The following SLC16A9 variants were observed in gnomAD, a reference collection of about 807,000 sequenced individuals.
The protein encoded by SLC16A9 is monocarboxylate transporter 9.
Under a neutral mutation model 44.3 loss-of-function variants are expected in SLC16A9, and 26 were observed. The ratio of observed to expected loss-of-function variants is 0.59; its 90% CI spans 0.43 to 0.81. The LOEUF is 0.81. Among genes scored for constraint, SLC16A9 ranks in the 40% least tolerant of loss-of-function variants. The pLI is 0.00. For missense variants in SLC16A9, 559 were observed against 595.8 expected (o/e 0.94, Z 0.64); for synonymous variants, 230 against 225.1 (o/e 1.02, Z -0.19).
chr10:59,698,525 A>C (rs1000992134), intron 1 of SLC16A9, among the ~76,000 whole-genome samples: 5 of 152,176 alleles, frequency 3.3e-5, no homozygotes, highest in African/African-American at 1.2e-4. Context: ...AAGAGAGAAA[A>C]GTCTTGTTCT....
At chr10:59,673,334 G>A (rs1839793763) in intron 2 of SLC16A9, among the ~76,000 whole-genome samples, 1 of 152,148 alleles carries the variant, frequency 6.6e-6, no homozygotes, top group Non-Finnish European at 1.5e-5. Context: ...TTGACTGAGA[G>A]GCAAAAGTGA....
At chr10:59,655,608 T>G (rs1255760606) in intron 4 of SLC16A9, among the ~76,000 whole-genome samples, 1 of 152,202 alleles carries the variant, frequency 6.6e-6, no homozygotes, top group Non-Finnish European at 1.5e-5. Context: ...ACACTGTGAA[T>G]AATTCACCTT....
chr10:59,652,795 A>T lies in SLC16A9; in HGVS notation c.1507T>A (p.Tyr503Asn). ...LPKPAPTTFLYKVASNV is the reference protein window; with the variant it reads ...LPKPAPTTFLNKVASNV ...TTCTAAACATTAGAGGCAACTTTGT[A>T]CAAGAAAGTTGTTGGAGCTGGCTTG... Residue 503 changes from tyrosine to asparagine, a missense_variant, in exon 6 of 6, where the codon TAC (tyrosine) becomes AAC (asparagine). Physicochemically the swap from Tyr to Asn is moderately radical, Grantham distance 143. Transcript: ENST00000395348. 1 of 1,612,016 alleles carries T rather than the reference A, an allele frequency of 6.2e-7. No homozygotes were observed. Among genetic ancestry groups the T allele is most frequent in the Non-Finnish European group, 8.5e-7 (1 of 1,179,402 alleles).
At position 59,690,402 on chromosome 10, in the gene SLC16A9, G is replaced by T. The variant is rs186309420; in HGVS notation, c.-36-6075C>A. On this transcript the variant is annotated intron_variant, in intron 1 of 5. Transcript: ENST00000395348. ...GGTATGTGCAAAAGAGTACGTACAC[G>T]ATTGGGTGCCATACAAGTGGATGGA... Among the ~76,000 whole-genome samples the T allele has an allele frequency of 1.3e-3, 200 of 152,268 alleles. 1 individual carries two copies. Among genetic ancestry groups the T allele is most frequent in the Non-Finnish European group, 2.6e-3 (178 of 68,020 alleles).
At chr10:59,670,785 A>T (rs1471281124) in intron 3 of SLC16A9, among the ~76,000 whole-genome samples, 1 of 152,134 alleles carries the variant, frequency 6.6e-6, no homozygotes, top group Non-Finnish European at 1.5e-5. Flanking sequence ...TGGTAACAGA[A>T]TGAAAGTGCC....
intron 3 of SLC16A9, among the ~76,000 whole-genome samples, chr10:59,669,200 A>G (rs1345494575): frequency 6.6e-6 from 1 of 152,236 alleles, no homozygotes; most frequent in Non-Finnish European, 1.5e-5. Context: ...AAGAGAAATT[A>G]TTAGAAAGAG....
chr10:59,696,608 T>C (rs1472855226), intron 1 of SLC16A9, among the ~76,000 whole-genome samples: 1 of 147,996 alleles, frequency 6.8e-6, no homozygotes, highest in Non-Finnish European at 1.5e-5. Context: ...CTGCCCAGTC[T>C]GGAAAGTGAG....
chr10:59,688,760 A>G (rs1474703795), intron 1 of SLC16A9, among the ~76,000 whole-genome samples: 1 of 151,288 alleles, frequency 6.6e-6, no homozygotes, highest in East Asian at 1.9e-4. Context: ...AGACAAATGC[A>G]TACGAGATTG....
intron 3 of SLC16A9, among the ~76,000 whole-genome samples, chr10:59,671,544 G>A (rs982906863): frequency 5.3e-5 from 8 of 152,218 alleles, no homozygotes; most frequent in Non-Finnish European, 7.4e-5. Context: ...CCTTTCCCCA[G>A]TCCCTGATAT....
At chr10:59,671,262 C>T (rs534493020) in intron 3 of SLC16A9, among the ~76,000 whole-genome samples, 1 of 152,182 alleles carries the variant, frequency 6.6e-6, no homozygotes, top group South Asian at 2.1e-4. Context: ...GTTTTCTGAC[C>T]CAGAATCCAC....
chr10:59,664,412 T>C (rs923867949), intron 3 of SLC16A9, 90 bp from the exon 4 acceptor site: 1 of 784,904 alleles, frequency 1.3e-6, no homozygotes, highest in South Asian at 1.7e-5. Flanking sequence ...CGATAAGACA[T>C]TCCATTACTC....
intron 4 of SLC16A9, among the ~76,000 whole-genome samples, chr10:59,657,487 T>C (rs1244401331): frequency 1.3e-5 from 2 of 152,246 alleles, no homozygotes; most frequent in African/African-American, 2.4e-5. Context: ...GGTGGGTTCA[T>C]ACTTCTCCCT....
intron 2 of SLC16A9, among the ~76,000 whole-genome samples, chr10:59,683,139 C>T (rs1840059982): frequency 6.6e-6 from 1 of 152,054 alleles, no homozygotes; most frequent in African/African-American, 2.4e-5. Flanking sequence ...CCTTATTTTC[C>T]CCATAAGAAT....
At chr10:59,664,143 G>T (rs1247625330) in intron 4 of SLC16A9, 84 bp downstream of exon 4, 1 of 820,382 alleles carries the variant, frequency 1.2e-6, no homozygotes, top group Non-Finnish European at 1.8e-6. Context: ...GTAATGGTTG[G>T]TTAAACATGT....
At chr10:59,688,573 T>G (rs1840184539) in intron 1 of SLC16A9, among the ~76,000 whole-genome samples, 1 of 152,068 alleles carries the variant, frequency 6.6e-6, no homozygotes, top group Non-Finnish European at 1.5e-5. Context: ...TTGCTCTCTC[T>G]GGTACCTACT....
At chr10:59,668,025 A>C (rs1462282943) in intron 3 of SLC16A9, among the ~76,000 whole-genome samples, 1 of 149,644 alleles carries the variant, frequency 6.7e-6, no homozygotes, top group East Asian at 2.0e-4. Flanking sequence ...CTAAATTATC[A>C]ACCTCACTCT....
At chr10:59,677,165 G>A (rs1839878680) in intron 2 of SLC16A9, among the ~76,000 whole-genome samples, 1 of 151,352 alleles carries the variant, frequency 6.6e-6, no homozygotes, top group East Asian at 1.9e-4. Flanking sequence ...CTGCATATTA[G>A]TGTTCAAGAG....
chr10:59,664,376 G>A (rs1839559246), intron 3 of SLC16A9, 54 bp from the exon 4 acceptor site: 10 of 1,230,600 alleles, frequency 8.1e-6, no homozygotes, highest in Admixed American at 4.0e-5. Flanking sequence ...TTCAATGCAA[G>A]AGAAAAAAGG....
At chr10:59,705,126 TA>T (rs1840609939) in intron 1 of SLC16A9, among the ~76,000 whole-genome samples, 1 of 152,198 alleles carries the variant, frequency 6.6e-6, no homozygotes, top group Admixed American at 6.5e-5. Flanking sequence ...TCTCAGAGTT[TA>T]AGAGTTTCTT....
Sources: allele counts gnomAD v4.1 joint callset (sites outside exome capture counted in the v4.1 genomes callset), GRCh38; gene constraint gnomAD v4.1.1; transcripts MANE v1.5; gene names NCBI Gene and HGNC (gene_info 2026-07-23, HGNC 2026-07-21).